Variants in PLEKHM1 observed in about 807,000 individuals in gnomAD.
PLEKHM1 encodes the protein pleckstrin homology domain-containing family M member 1.
In PLEKHM1, 28 loss-of-function variants were observed where a neutral mutation model predicts 94.3. The observed-to-expected ratio is 0.30, with a 90% confidence interval of 0.22 to 0.41. The LOEUF is 0.41. Ranked by LOEUF, PLEKHM1 falls within the 10% of genes least tolerant of loss-of-function variation. The pLI, the probability that PLEKHM1 is intolerant of heterozygous loss-of-function variation, is 1.00. For missense variants in PLEKHM1, 907 were observed against 1,358.6 expected, an observed-to-expected ratio of 0.67 and a Z score of 5.22; for synonymous variants, 424 against 581.2, an observed-to-expected ratio of 0.73 and a Z score of 3.89.
rs1347155778 is a variant in PLEKHM1, at chr17:45,444,448, C to T, written c.2837+1022G>A. On this transcript the variant is annotated intron_variant, in intron 9 of 11. Coordinates refer to ENST00000430334, the MANE Select transcript of PLEKHM1 (RefSeq NM_014798.3). This position sits in a 1 kb window ranked among gnomAD's most constrained non-coding sequence, Gnocchi z 5.0. ...ATCCCATTCCTGAGCACCAAAGGCC[C>T]CAGGCCCTGGGTAAGAGAAGCTTCC... Among the ~76,000 whole-genome samples, 1 of 152,188 alleles carries T rather than the reference C, an allele frequency of 6.6e-6. No individual in the cohort carries two copies. The highest frequency in any genetic ancestry group is 1.5e-5 in the Non-Finnish European group (1 of 68,020).
chr17:45,446,948 C>T (rs3973534), intron 8 of PLEKHM1, among the ~76,000 whole-genome samples: 8 of 152,296 alleles, frequency 5.3e-5, no homozygotes, highest in South Asian at 4.1e-4. Flanking sequence ...GGGGCCTTTT[C>T]GTTCGCTGCT....
At chr17:45,435,679 G>A (rs1294129657), downstream of PLEKHM1, among the ~76,000 whole-genome samples, 1 of 152,214 alleles carries the variant, frequency 6.6e-6, no homozygotes, top group Non-Finnish European at 1.5e-5. Context: ...ACCCCAGGAA[G>A]AGCCTGACTG....
intron 9 of PLEKHM1, among the ~76,000 whole-genome samples, chr17:45,443,422 G>T (rs887827687): frequency 3.3e-5 from 5 of 152,168 alleles, no homozygotes; most frequent in African/African-American, 1.2e-4. Flanking sequence ...GTGGGTGAGG[G>T]CCTCCCACAC....
Position 45,472,090 on chromosome 17 carries a change from G to A in PLEKHM1, c.923+3010C>T, listed in dbSNP as rs1158394684. 3.3e-5 allele frequency among the ~76,000 whole-genome samples: 5 copies of A among 151,492 alleles called. No individual in the cohort carries two copies. The East Asian group carries it at 9.6e-4, about 29-fold the overall frequency. On this transcript the variant is annotated intron_variant, in intron 4 of 11. Coordinates refer to ENST00000430334, the MANE Select transcript of PLEKHM1 (RefSeq NM_014798.3). Reference sequence around the variant, plus strand: ...TTTGATTTTATATGTGTAATGATAAGCACAAGGAATTTATGTCTAATTTAA... The same window carrying A: ...TTTGATTTTATATGTGTAATGATAAACACAAGGAATTTATGTCTAATTTAA...
intron 4 of PLEKHM1, among the ~76,000 whole-genome samples, chr17:45,474,383 G>A (rs952292929): frequency 6.6e-6 from 1 of 152,116 alleles, no homozygotes; most frequent in African/African-American, 2.4e-5. Context: ...AAGGCTGTGT[G>A]AAGAAGGCTC....
At chr17:45,439,950 C>A (rs2050390372) in intron 10 of PLEKHM1, 1 of 638,606 alleles carries the variant, frequency 1.6e-6, no homozygotes, top group African/African-American at 1.8e-5. Flanking sequence ...CCTGGGGTTG[C>A]TGGAGTGCTT....
rs1567810656 is a variant in PLEKHM1, at chr17:45,486,246, T to TA, written c.-41-3722dup. Reference sequence around the variant, plus strand: ...AAAAAAAGATAAAATAAAAAAATAATAATAATAATAATAATTTATGTCTCA... The same window carrying TA: ...AAAAAAAGATAAAATAAAAAAATAATAAATAATAATAATAATTTATGTCTCA... On this transcript the variant is annotated intron_variant, in intron 1 of 11. Coordinates refer to ENST00000430334, the MANE Select transcript of PLEKHM1 (RefSeq NM_014798.3). Among the ~76,000 whole-genome samples the TA allele has an allele frequency of 3.6e-5, 5 of 138,618 alleles. 1 individual carries two copies. Among genetic ancestry groups the TA allele is most frequent in the African/African-American group, 1.3e-4 (5 of 37,410 alleles). 90.9% of individuals were successfully genotyped at this position (138,618 alleles called of 152,430 possible).
At chr17:45,486,200 G>C (rs1187251977) in intron 1 of PLEKHM1, among the ~76,000 whole-genome samples, 2 of 142,808 alleles carry the variant, frequency 1.4e-5, no homozygotes, top group African/African-American at 5.2e-5. Context: ...CTAGGCGACA[G>C]AGAGAGACTC....
rs1363407900 is a variant in PLEKHM1, at chr17:45,437,603, C to T, written c.*255G>A. On this transcript the variant is annotated 3_prime_UTR_variant, in exon 12 of 12. Coordinates refer to ENST00000430334, the MANE Select transcript of PLEKHM1 (RefSeq NM_014798.3). This position sits in a 1 kb window ranked among gnomAD's most constrained non-coding sequence, Gnocchi z 4.0. ...GCCAGGGCCTGGTGAGTAAACGGCC[C>T]TGCCTGCCCCAGACAGGGAGCATCT... The T allele has an allele frequency of 3.0e-6, 2 of 661,752 alleles. No individual in the cohort carries two copies. The highest frequency in any genetic ancestry group is 1.8e-5 in the African/African-American group (1 of 56,414). 41.0% of individuals were successfully genotyped at this position (661,752 alleles called of 1,614,324 possible).
At chr17:45,447,308 G>A (rs1356094144) in intron 8 of PLEKHM1, among the ~76,000 whole-genome samples, 1 of 152,192 alleles carries the variant, frequency 6.6e-6, no homozygotes, top group East Asian at 1.9e-4. Flanking sequence ...CCAAAGCCTG[G>A]GGCCCTGAGG....
downstream of PLEKHM1, among the ~76,000 whole-genome samples, chr17:45,435,473 AC>A (rs769912985): frequency 1.3e-4 from 20 of 151,890 alleles, no homozygotes; most frequent in Non-Finnish European, 1.9e-4. Flanking sequence ...CACTTAAATA[AC>A]CCTTCTTTCC....
Position 45,445,490 on chromosome 17 carries a change from G to A in PLEKHM1, c.2817C>T (p.Ala939=), listed in dbSNP as rs2050577831. 9 of 1,613,864 alleles carry A rather than the reference G, an allele frequency of 5.6e-6. No individual in the cohort carries two copies. The highest frequency in any genetic ancestry group is 6.8e-6 in the Non-Finnish European group (8 of 1,179,868). ...CTCACCTCTTGCTGAGCTCCTTCAG[G>A]GCGCCACTCCGGCACAGGCCCAGGT... ...GDYLGLCRSG[A]LKELSKRLNH... is the part of the protein sequence containing the mutation. Residue 939 remains alanine (A), a synonymous_variant, in exon 9 of 12, where the codon GCC becomes GCT. Coordinates refer to ENST00000430334, the MANE Select transcript of PLEKHM1 (RefSeq NM_014798.3). The surrounding 1 kb of genome is among the most constrained non-coding windows in gnomAD (Gnocchi z 4.2).
rs188364926 is a variant in PLEKHM1 at position 45,478,416 on chromosome 17, T to C, written c.49-269A>G. 2.0e-4 allele frequency among the ~76,000 whole-genome samples: 30 copies of C among 152,348 alleles called. 1 individual carries two copies. The South Asian group carries it at 3.1e-3, about 16-fold the overall frequency. On this transcript the variant is annotated intron_variant, in intron 2 of 11. Transcript: ENST00000430334. ...CATATGTCCTTTAGTATAGATACTT[T>C]TTGTTTTTTAGACCAAACTTAAGTG... is the stretch of plus-strand genomic sequence containing the variant.
Position 45,445,244 on chromosome 17 carries a change from T to C in PLEKHM1, c.2837+226A>G, listed in dbSNP as rs974570986. Among the ~76,000 whole-genome samples the C allele has an allele frequency of 2.0e-5, 3 of 152,272 alleles. No homozygotes were observed. Among genetic ancestry groups the C allele is most frequent in the Non-Finnish European group, 4.4e-5 (3 of 68,050 alleles). On this transcript the variant is annotated intron_variant, in intron 9 of 11. Transcript: ENST00000430334. This position sits in a 1 kb window ranked among gnomAD's most constrained non-coding sequence, Gnocchi z 4.2. ...CAGGTGGACGCCTTGCCCTGGGCAC[T>C]GCCCCTGTGTGTGTGTGCATGTGCA...
In PLEKHM1 at chr17:45,469,839, T is replaced by C. The variant is rs532920397; in HGVS notation, c.924-1246A>G. The stretch of plus-strand genomic sequence containing the variant: ...CTGCAATCCCAGCACTTTGGGAGGC[T>C]GAGGTGGGTAGAACCACAAGATCAG... On this transcript the variant is annotated intron_variant, in intron 4 of 11. Coordinates refer to ENST00000430334, the MANE Select transcript of PLEKHM1 (RefSeq NM_014798.3). 2.0e-5 allele frequency among the ~76,000 whole-genome samples: 3 copies of C among 152,266 alleles called. No individual in the cohort carries two copies. In the East Asian group the frequency reaches 5.8e-4, roughly 29 times the overall value.
chr17:45,462,003 G>C (rs1176427254), intron 5 of PLEKHM1, among the ~76,000 whole-genome samples: 2 of 152,170 alleles, frequency 1.3e-5, no homozygotes, highest in African/African-American at 2.4e-5. Flanking sequence ...AGTGGGACCA[G>C]CCCCACTGTT....
chr17:45,477,613 T>C (rs2051794532), intron 3 of PLEKHM1: 1 of 477,230 alleles, frequency 2.1e-6, no homozygotes, highest in South Asian at 2.1e-5. Context: ...AAAAGGCTGT[T>C]CCTGCTAAAG....
At chr17:45,470,506 G>C (rs1179633463) in intron 4 of PLEKHM1, among the ~76,000 whole-genome samples, 1 of 152,300 alleles carries the variant, frequency 6.6e-6, no homozygotes, top group Non-Finnish European at 1.5e-5. Flanking sequence ...GTGCGCACCT[G>C]TAATCCCAGC....
intron 1 of PLEKHM1, among the ~76,000 whole-genome samples, chr17:45,485,886 T>C (rs1027135210): frequency 7.3e-5 from 11 of 150,698 alleles, no homozygotes; most frequent in African/African-American, 2.4e-4. Flanking sequence ...GCCACTGCAC[T>C]CCAGCCGGGG....
Sources: gnomAD v4.1 joint callset for allele counts (sites outside exome capture counted in the v4.1 genomes callset) on GRCh38, gnomAD v4.1.1 for gene constraint, Gnocchi (gnomAD v3.1) non-coding constraint, MANE v1.5 for transcripts, NCBI Gene and HGNC (gene_info 2026-07-23, HGNC 2026-07-21) for gene names.